UGGT2: variants seen among roughly 807,000 people sequenced by gnomAD.
UGGT2 encodes UDP-glucose:glycoprotein glucosyltransferase 2.
Under a neutral mutation model 192.1 loss-of-function variants are expected in UGGT2, and 180 were observed. The observed-to-expected ratio is 0.94, with a 90% CI of 0.83 to 1.06. The LOEUF is 1.06. Among genes scored for constraint, UGGT2 ranks in the 50% least tolerant of loss-of-function variants. The pLI is 0.00. For synonymous variants in UGGT2, 580 were observed against 591.0 expected (o/e 0.98, Z 0.27); for missense variants, 1,849 against 1,795.7 (o/e 1.03, Z -0.54).
chr13:95,853,761 C>T (rs924312035), intron 35 of UGGT2, 104 bp from the exon 36 acceptor site: 1 of 657,512 alleles, frequency 1.5e-6, no homozygotes, highest in African/African-American at 1.9e-5. Context: ...TACAGATATC[C>T]TAGGATCTAA....
In UGGT2 at chr13:96,034,768, T is replaced by C. The variant is rs570593232; in HGVS notation, c.159-2797A>G. Among the ~76,000 whole-genome samples, 6 of 152,310 alleles carry C rather than the reference T, an allele frequency of 3.9e-5. No homozygotes were observed. In the South Asian group the frequency reaches 1.0e-3, roughly 26 times the overall value. On this transcript the variant is annotated intron_variant, in intron 1 of 38. Transcript: ENST00000376747. The stretch of plus-strand genomic sequence containing the variant: ...TGTACAAAGCTGGTGCCTGTGCCAG[T>C]ACCTGGAGCTGCCCACCCCACTGCA...
chr13:95,947,378 A>T (rs1432821688), intron 14 of UGGT2, among the ~76,000 whole-genome samples: 4 of 149,736 alleles, frequency 2.7e-5, no homozygotes, highest in South Asian at 2.1e-4. Context: ...ATAAAATATC[A>T]CTCTCTCTCC....
chr13:95,850,039 T>G (rs1341217718), intron 36 of UGGT2, among the ~76,000 whole-genome samples: 3 of 152,000 alleles, frequency 2.0e-5, no homozygotes, highest in African/African-American at 7.2e-5. Flanking sequence ...CTTGTCTTAT[T>G]GCATTAGCCA....
At chr13:95,856,706 C>A in intron 33 of UGGT2, 1 of 397,006 alleles carries the variant, frequency 2.5e-6, no homozygotes, top group Non-Finnish European at 4.8e-6. Flanking sequence ...TCAAATAGTT[C>A]ATGTATATGT....
chr13:95,804,576 C>T (rs894091506), intron 38 of UGGT2, among the ~76,000 whole-genome samples: 1 of 152,090 alleles, frequency 6.6e-6, no homozygotes, highest in South Asian at 2.1e-4. Flanking sequence ...GTAATGAAAA[C>T]AGTATGGTCC....
At chr13:95,868,445 T>G (rs1890884021) in intron 29 of UGGT2, among the ~76,000 whole-genome samples, 1 of 152,120 alleles carries the variant, frequency 6.6e-6, no homozygotes, top group East Asian at 1.9e-4. Flanking sequence ...AATTTTTTTT[T>G]AAATTAGCTG....
At chr13:96,008,620 C>T (rs2052057246) in intron 5 of UGGT2, among the ~76,000 whole-genome samples, 1 of 152,178 alleles carries the variant, frequency 6.6e-6, no homozygotes. Context: ...GGAATGTAAT[C>T]CCATTTACAA....
intron 38 of UGGT2, among the ~76,000 whole-genome samples, chr13:95,803,724 T>C (rs2139721607): frequency 6.6e-6 from 1 of 152,250 alleles, no homozygotes; most frequent in Non-Finnish European, 1.5e-5. Flanking sequence ...ACCCTCCCAT[T>C]TGGGGAAGGC....
chr13:95,952,979 C>T (rs1437037946), intron 12 of UGGT2, among the ~76,000 whole-genome samples: 1 of 152,112 alleles, frequency 6.6e-6, no homozygotes, highest in Admixed American at 6.5e-5. Flanking sequence ...AATGTTACGA[C>T]AATATGTACC....
chr13:95,819,187 G>A (rs1309665297), intron 38 of UGGT2, among the ~76,000 whole-genome samples: 5 of 152,050 alleles, frequency 3.3e-5, no homozygotes, highest in Non-Finnish European at 7.4e-5. Context: ...CTTTCTTGGT[G>A]TTTCCCTTTA....
chr13:96,028,071 C>T (rs979041538), intron 2 of UGGT2, among the ~76,000 whole-genome samples: 1 of 152,198 alleles, frequency 6.6e-6, no homozygotes, highest in Non-Finnish European at 1.5e-5. Context: ...CCACTGGGCA[C>T]TATTTTATTC....
intron 4 of UGGT2, among the ~76,000 whole-genome samples, chr13:96,016,912 T>G (rs919361205): frequency 2.0e-5 from 3 of 152,134 alleles, no homozygotes; most frequent in African/African-American, 7.2e-5. Context: ...CCTGCAAAGT[T>G]AGAGCGCTGG....
chr13:95,867,586 C>T (rs1401360820), intron 29 of UGGT2, among the ~76,000 whole-genome samples, 163 bp from the exon 30 acceptor site: 1 of 152,050 alleles, frequency 6.6e-6, no homozygotes, highest in African/African-American at 2.4e-5. Flanking sequence ...CTATAATATG[C>T]TGTAATTTTC....
chr13:95,903,943 T>C (rs1038004100), intron 20 of UGGT2, among the ~76,000 whole-genome samples: 1 of 152,214 alleles, frequency 6.6e-6, no homozygotes, highest in African/African-American at 2.4e-5. Context: ...TTTAATTTTC[T>C]TTTCTCTTAT....
intron 33 of UGGT2, among the ~76,000 whole-genome samples, chr13:95,859,188 A>G (rs1270648255): frequency 1.3e-5 from 2 of 152,154 alleles, no homozygotes; most frequent in African/African-American, 4.8e-5. Context: ...TTTTTGTTTC[A>G]GTACTGTAAA....
rs184044866 is a variant in UGGT2 at position 95,837,213 on chromosome 13, T to C, written c.4285-11A>G. 56 of 1,586,518 alleles carry C rather than the reference T, an allele frequency of 3.5e-5. No individual in the cohort carries two copies. The highest frequency in any genetic ancestry group is 1.7e-4 in the Middle Eastern group (1 of 5,994). Reference sequence around the variant, plus strand: ...ATTATTGGGGAGATCCTACAGAAAATTGTGATTTAATCATAGACGTATGAA... The same window carrying C: ...ATTATTGGGGAGATCCTACAGAAAACTGTGATTTAATCATAGACGTATGAA... On this transcript the variant is annotated splice_polypyrimidine_tract_variant and intron_variant, in intron 36 of 38. Transcript: ENST00000376747.
intron 9 of UGGT2, chr13:95,985,198 TTAAAA>T: frequency 6.2e-6 from 6 of 972,526 alleles, no homozygotes; most frequent in Non-Finnish European, 8.2e-6. Context: ...CGGCCATTAA[TTAAAA>T]TATTATGGCT....
chr13:95,949,601 T>G, intron 12 of UGGT2, 147 bp from the exon 13 acceptor site: 1 of 797,656 alleles, frequency 1.3e-6, no homozygotes, highest in Non-Finnish European at 1.7e-6. Flanking sequence ...TAATATTCTC[T>G]AAATTAAGGA....
At chr13:95,984,846 A>G (rs1383834475) in intron 9 of UGGT2, 1 of 152,336 alleles carries the variant, frequency 6.6e-6, no homozygotes, top group East Asian at 1.9e-4. Context: ...AACAGCCCAC[A>G]ATAAGTATAT....
Sources: gnomAD v4.1 joint callset for allele counts (sites outside exome capture counted in the v4.1 genomes callset) on GRCh38, gnomAD v4.1.1 for gene constraint, MANE v1.5 for transcripts, NCBI Gene and HGNC (gene_info 2026-07-23, HGNC 2026-07-21) for gene names.